The following SUPT3H variants were observed in gnomAD, a reference collection of about 807,000 sequenced individuals.
The protein encoded by SUPT3H is transcription initiation protein SPT3 homolog.
SUPT3H carries 44 observed loss-of-function variants against 44.3 expected under a neutral mutation model. That is an observed-to-expected ratio of 0.99 (90% CI 0.78 to 1.28). SUPT3H has a LOEUF of 1.28. SUPT3H is among the 50% of genes most tolerant of loss of function. The pLI, the probability that SUPT3H is intolerant of heterozygous loss-of-function variation, is 0.00. For missense variants in SUPT3H, 380 were observed against 387.1 expected (o/e 0.98, Z 0.15); for synonymous variants, 124 against 125.6 (o/e 0.99, Z 0.09).
Position 44,932,730 on chromosome 6 carries a change from C to T in SUPT3H, c.835G>A (p.Asp279Asn), listed in dbSNP as rs146594864. 8.4e-4 allele frequency: 1,354 copies of T among 1,610,050 alleles called. No individual in the cohort carries two copies. The highest frequency in any genetic ancestry group is 1.0e-3 in the Non-Finnish European group (1,194 of 1,178,366). Residue 279 changes from aspartate to asparagine, a missense_variant, in exon 10 of 11, where the codon GAT becomes AAT. Physicochemically the swap from Asp to Asn is conservative, Grantham distance 23. Coordinates refer to ENST00000371459, the MANE Select transcript of SUPT3H (RefSeq NM_003599.4). Reference sequence around the variant, plus strand: ...CTGATGTGGCAGGGCTGGATGGCATCGCTGTGAGCCTCAACACCACAGGCT... The same window carrying T: ...CTGATGTGGCAGGGCTGGATGGCATTGCTGTGAGCCTCAACACCACAGGCT... Reference protein sequence around the residue: ...TAACGVEAHSDAIQPCHIREA... With the variant: ...TAACGVEAHSNAIQPCHIREA...
chr6:44,836,525 C>T (rs778570274), intron 10 of SUPT3H, among the ~76,000 whole-genome samples: 2 of 152,130 alleles, frequency 1.3e-5, no homozygotes, highest in African/African-American at 2.4e-5. Context: ...AGGAACTTGT[C>T]ATTTTATGCC....
At chr6:45,369,586 C>T (rs911770776) in intron 1 of SUPT3H, among the ~76,000 whole-genome samples, 2 of 152,010 alleles carry the variant, frequency 1.3e-5, no homozygotes, top group Non-Finnish European at 2.9e-5. Context: ...GACAGTGTAT[C>T]GTATCCTCCC....
At chr6:44,899,374 T>G (rs992515955) in intron 10 of SUPT3H, 3 of 152,194 alleles carry the variant, frequency 2.0e-5, no homozygotes, top group Non-Finnish European at 4.4e-5. Flanking sequence ...GCTTGAAATT[T>G]AAGGAAATTT....
chr6:44,877,969 TA>T (rs1218187205), intron 10 of SUPT3H, among the ~76,000 whole-genome samples: 1 of 152,218 alleles, frequency 6.6e-6, no homozygotes, highest in Non-Finnish European at 1.5e-5. Context: ...TTAGTATGTC[TA>T]AAAGGAATTT....
At chr6:44,849,060 T>C (rs1772392286) in intron 10 of SUPT3H, among the ~76,000 whole-genome samples, 1 of 152,200 alleles carries the variant, frequency 6.6e-6, no homozygotes, top group Admixed American at 6.5e-5. Context: ...CTGGGTACCA[T>C]ACATGGGAGC....
chr6:44,912,745 T>C (rs138701775), intron 10 of SUPT3H, among the ~76,000 whole-genome samples: 76 of 152,312 alleles, frequency 5.0e-4, no homozygotes, highest in African/African-American at 1.8e-3. Context: ...TGAGTTACTG[T>C]TGCCCTCCTT....
intron 10 of SUPT3H, among the ~76,000 whole-genome samples, chr6:44,911,859 C>T (rs1157249162): frequency 1.3e-5 from 2 of 152,174 alleles, no homozygotes; most frequent in African/African-American, 4.8e-5. Flanking sequence ...GGCAAGAAAA[C>T]TGATGCTTGG....
chr6:45,240,771 A>G (rs1770147608), intron 2 of SUPT3H, among the ~76,000 whole-genome samples: 1 of 152,184 alleles, frequency 6.6e-6, no homozygotes, highest in African/African-American at 2.4e-5. Context: ...ATTATTTGGA[A>G]ACATGGTGGT....
chr6:45,364,826 T>C (rs1434637898), intron 2 of SUPT3H, among the ~76,000 whole-genome samples: 2 of 152,184 alleles, frequency 1.3e-5, no homozygotes, highest in Non-Finnish European at 2.9e-5. Context: ...AGAACTTCCA[T>C]GTGAAAACAT....
chr6:45,275,791 T>A (rs1197168953), intron 2 of SUPT3H, among the ~76,000 whole-genome samples: 1 of 152,124 alleles, frequency 6.6e-6, no homozygotes, highest in Non-Finnish European at 1.5e-5. Flanking sequence ...TAGAATGACA[T>A]AAATTATTTA....
chr6:45,092,624 C>T (rs1343916621), intron 3 of SUPT3H, among the ~76,000 whole-genome samples: 1 of 151,884 alleles, frequency 6.6e-6, no homozygotes, highest in South Asian at 2.1e-4. Context: ...GTGGCAGGCA[C>T]CTGTAATCCC....
chr6:45,200,727 T>A (rs889250051), intron 2 of SUPT3H, among the ~76,000 whole-genome samples: 5 of 151,446 alleles, frequency 3.3e-5, no homozygotes, highest in Admixed American at 6.6e-5. Flanking sequence ...TCTTTAGGCC[T>A]ACCCTGAAAA....
chr6:45,004,169 C>A (rs537391473), intron 5 of SUPT3H, among the ~76,000 whole-genome samples: 1 of 152,000 alleles, frequency 6.6e-6, no homozygotes, highest in Admixed American at 6.6e-5. Context: ...TAAGGATATG[C>A]TAGGCAAATA....
intron 2 of SUPT3H, among the ~76,000 whole-genome samples, chr6:45,150,292 T>G (rs1413888960): frequency 6.6e-6 from 1 of 152,104 alleles, no homozygotes; most frequent in Admixed American, 6.6e-5. Context: ...AACATATGGG[T>G]CCCTAAAAAT....
chr6:44,909,534 C>A (rs903140315), intron 10 of SUPT3H, among the ~76,000 whole-genome samples: 1 of 152,172 alleles, frequency 6.6e-6, no homozygotes, highest in African/African-American at 2.4e-5. Context: ...TAAGTCTTAA[C>A]CATGTAGCAT....
chr6:44,930,257 T>A (rs969252906), intron 10 of SUPT3H, among the ~76,000 whole-genome samples: 2 of 151,966 alleles, frequency 1.3e-5, no homozygotes, highest in East Asian at 3.9e-4. Context: ...GGCGGGTGCC[T>A]GTAGTCCCAG....
intron 5 of SUPT3H, among the ~76,000 whole-genome samples, chr6:45,007,459 C>T (rs1374553860): frequency 2.6e-5 from 4 of 152,030 alleles, no homozygotes; most frequent in African/African-American, 7.2e-5. Context: ...CATATCTTTA[C>T]ATTTTTCTAT....
chr6:44,882,755 C>T (rs1778455594), intron 10 of SUPT3H, among the ~76,000 whole-genome samples: 1 of 152,106 alleles, frequency 6.6e-6, no homozygotes, highest in South Asian at 2.1e-4. Flanking sequence ...AAACGTAATC[C>T]ATCACATAAA....
intron 10 of SUPT3H, among the ~76,000 whole-genome samples, chr6:44,835,667 C>T (rs1479490229): frequency 2.0e-5 from 3 of 152,176 alleles, no homozygotes; most frequent in African/African-American, 4.8e-5. Flanking sequence ...GTTGAGCCAC[C>T]GTTGGGATGG....
Sources: gnomAD v4.1 joint callset for allele counts (sites outside exome capture counted in the v4.1 genomes callset) on GRCh38, gnomAD v4.1.1 for gene constraint, MANE v1.5 for transcripts, NCBI Gene and HGNC (gene_info 2026-07-23, HGNC 2026-07-21) for gene names.